The following KCNK9 variants were observed in gnomAD, a reference collection of about 807,000 sequenced individuals.
KCNK9 encodes potassium two pore domain channel subfamily K member 9.
A neutral mutation model predicts 10.8 loss-of-function variants in KCNK9; 1 was observed. The ratio of observed to expected loss-of-function variants is 0.09; its 90% CI spans 0.03 to 0.44. KCNK9 has a LOEUF of 0.44. Among genes scored for constraint, KCNK9 ranks in the 20% least tolerant of loss-of-function variants. KCNK9 has a pLI of 0.97. For missense variants in KCNK9, 303 were observed against 515.0 expected, an observed-to-expected ratio of 0.59 and a Z score of 3.98; for synonymous variants, 231 against 222.7, an observed-to-expected ratio of 1.04 and a Z score of -0.33.
intron 1 of KCNK9, among the ~76,000 whole-genome samples, chr8:139,691,151 G>T (rs553103334): frequency 2.8e-4 from 42 of 152,228 alleles, no homozygotes; most frequent in African/African-American, 1.0e-3. Flanking sequence ...GACTGACAAG[G>T]CAAACTGTCC....
chr8:139,630,422 C>G (rs1364562467), intron 1 of KCNK9, among the ~76,000 whole-genome samples: 2 of 152,112 alleles, frequency 1.3e-5, no homozygotes, highest in Non-Finnish European at 2.9e-5. Flanking sequence ...TCCCCGGGGC[C>G]TCTCTCCCGG....
intron 1 of KCNK9, among the ~76,000 whole-genome samples, chr8:139,645,011 T>G (rs1465802827): frequency 6.6e-6 from 1 of 152,224 alleles, no homozygotes; most frequent in Non-Finnish European, 1.5e-5. Context: ...GCGAGGCGGC[T>G]GCAGAAGCCC....
chr8:139,615,608 G>C (rs1200841085), downstream of KCNK9, among the ~76,000 whole-genome samples: 1 of 151,998 alleles, frequency 6.6e-6, no homozygotes, highest in Non-Finnish European at 1.5e-5. Context: ...GTTTAACTTT[G>C]AAAGACTCAG....
At chr8:139,614,169 C>G (rs1399169312), downstream of KCNK9, among the ~76,000 whole-genome samples, 1 of 152,180 alleles carries the variant, frequency 6.6e-6, no homozygotes, top group Admixed American at 6.5e-5. Context: ...GACCCATTGG[C>G]TTCCAGATAT....
At chr8:139,687,817 C>T (rs899953753) in intron 1 of KCNK9, among the ~76,000 whole-genome samples, 1 of 151,386 alleles carries the variant, frequency 6.6e-6, no homozygotes, top group Non-Finnish European at 1.5e-5. Flanking sequence ...CCCCCATCCA[C>T]TTCTCCATGT....
chr8:139,616,660 T>C (rs1347446643), downstream of KCNK9: 1 of 152,210 alleles, frequency 6.6e-6, no homozygotes, highest in Non-Finnish European at 1.5e-5. Flanking sequence ...GAGATCTCGT[T>C]GGGGCCTTGA....
At chr8:139,640,737 G>A (rs963817364) in intron 1 of KCNK9, among the ~76,000 whole-genome samples, 11 of 152,212 alleles carry the variant, frequency 7.2e-5, no homozygotes, top group Non-Finnish European at 1.5e-4. Flanking sequence ...CCTGGATGGG[G>A]AAAATCCCAC....
At chr8:139,650,549 A>G (rs949884364) in intron 1 of KCNK9, among the ~76,000 whole-genome samples, 1 of 151,788 alleles carries the variant, frequency 6.6e-6, no homozygotes, top group Admixed American at 6.6e-5. Context: ...TCCCTCCCTT[A>G]CCTGAGGAAG....
intron 1 of KCNK9, among the ~76,000 whole-genome samples, chr8:139,623,639 C>A (rs551698624): frequency 1.5e-4 from 23 of 152,112 alleles, no homozygotes; most frequent in Non-Finnish European, 2.8e-4. Context: ...CAGGCTCCTA[C>A]AATACCCTAC....
intron 2 of KCNK9, among the ~76,000 whole-genome samples, chr8:139,606,776 G>GCCGCCT (rs1431655554): frequency 6.6e-6 from 1 of 152,168 alleles, no homozygotes; most frequent in Admixed American, 6.5e-5. Flanking sequence ...TTAACTGTAA[G>GCCGCCT]CCGCCTCATC....
At chr8:139,637,096 C>T (rs1815360574) in intron 1 of KCNK9, among the ~76,000 whole-genome samples, 1 of 152,250 alleles carries the variant, frequency 6.6e-6, no homozygotes, top group Admixed American at 6.5e-5. Flanking sequence ...CTACAACATA[C>T]TCCCGGGAGC....
intron 1 of KCNK9, among the ~76,000 whole-genome samples, chr8:139,667,044 G>A (rs1332110998): frequency 6.6e-6 from 1 of 152,226 alleles, no homozygotes; most frequent in African/African-American, 2.4e-5. Context: ...CTCTCACAGG[G>A]CTCCCACAGG....
At chr8:139,671,233 T>C (rs1480898764) in intron 1 of KCNK9, among the ~76,000 whole-genome samples, 3 of 152,228 alleles carry the variant, frequency 2.0e-5, no homozygotes, top group African/African-American at 7.2e-5. Flanking sequence ...AGGGCTTCTG[T>C]GGCAGCGGGC....
intron 1 of KCNK9, among the ~76,000 whole-genome samples, chr8:139,672,006 G>C (rs1407265912): frequency 2.6e-5 from 4 of 152,210 alleles, no homozygotes; most frequent in African/African-American, 9.6e-5. Flanking sequence ...CCGCCCTGAT[G>C]AACATGATGC....
chr8:139,682,903 C>G (rs1816721088), intron 1 of KCNK9, among the ~76,000 whole-genome samples: 1 of 151,712 alleles, frequency 6.6e-6, no homozygotes, highest in Non-Finnish European at 1.5e-5. Context: ...GAGGGCTCCT[C>G]TGTGTGCCCA....
At chr8:139,649,285 C>T (rs2129669001) in intron 1 of KCNK9, among the ~76,000 whole-genome samples, 1 of 152,278 alleles carries the variant, frequency 6.6e-6, no homozygotes. Flanking sequence ...AGTGGCGCGT[C>T]AGAAGCGTGT....
downstream of KCNK9, chr8:139,616,690 T>C (rs1362901403): frequency 6.6e-6 from 1 of 152,220 alleles, no homozygotes; most frequent in Non-Finnish European, 1.5e-5. Context: ...GTAAACCGTG[T>C]TCCTTCTGAG....
chr8:139,603,045 C>T (rs1018746663), intron 2 of KCNK9, among the ~76,000 whole-genome samples: 1 of 152,178 alleles, frequency 6.6e-6, no homozygotes, highest in African/African-American at 2.4e-5. Context: ...TGTGCTCCTA[C>T]GGTTCTCATC....
chr8:139,675,810 C>T (rs1816536097), intron 1 of KCNK9, among the ~76,000 whole-genome samples: 1 of 152,084 alleles, frequency 6.6e-6, no homozygotes, highest in South Asian at 2.1e-4. Flanking sequence ...TCCTAGAAGC[C>T]TCCTGTGACA....
Sources: allele counts gnomAD v4.1 joint callset (sites outside exome capture counted in the v4.1 genomes callset), GRCh38; gene constraint gnomAD v4.1.1; transcripts MANE v1.5; gene names NCBI Gene and HGNC (gene_info 2026-07-23, HGNC 2026-07-21).